FDPS: variants seen among roughly 807,000 people sequenced by gnomAD.
FDPS encodes farnesyl diphosphate synthase.
In FDPS, 29 loss-of-function variants were observed where a neutral mutation model predicts 49.5. The observed-to-expected ratio is 0.59, with a 90% CI of 0.44 to 0.80. The LOEUF (loss-of-function observed/expected upper bound fraction) is 0.80. FDPS is among the 30% of genes least tolerant of loss of function. The probability of loss-of-function intolerance (pLI) is 0.00; values close to 1 mark genes in which losing one functional copy is unlikely to be tolerated. For synonymous variants in FDPS, 172 were observed against 206.4 expected, an observed-to-expected ratio of 0.83 and a Z score of 1.43; for missense variants, 414 against 525.6, an observed-to-expected ratio of 0.79 and a Z score of 2.08.
At position 155,318,273 on chromosome 1, in the gene FDPS, G is replaced by C; in HGVS notation, c.666G>C (p.Leu222=). The C allele has an allele frequency of 6.2e-7, 1 of 1,612,612 alleles. No homozygotes were observed. The highest frequency in any genetic ancestry group is 1.1e-5 in the South Asian group (1 of 91,076). ...YCREQPYYLN[L]IELFLQSSYQ... is the part of the protein sequence containing the mutation. ...GGGAGCAGCCCTATTACCTGAACCT[G>C]ATCGAGCTCTTCCTGCAGGTGTATT... Residue 222 remains leucine (L), a synonymous_variant, in exon 6 of 11, where the codon CTG becomes CTC. Transcript: ENST00000368356. This position sits in a 1 kb window ranked among gnomAD's most constrained non-coding sequence, Gnocchi z 4.2.
intron 4 of FDPS, among the ~76,000 whole-genome samples, chr1:155,315,178 G>A (rs1343611395): frequency 6.6e-6 from 1 of 152,172 alleles, no homozygotes; most frequent in African/African-American, 2.4e-5. Flanking sequence ...TCTGGCAGGC[G>A]GTGTTGCATG....
chr1:155,309,691 T>A (rs2297480), intron 1 of FDPS, 98 bp from the exon 2 acceptor site: 1 of 1,103,762 alleles, frequency 9.1e-7, no homozygotes, highest in Admixed American at 2.9e-5. Flanking sequence ...GGGCTAAGGC[T>A]GGGGTGGGAG....
intron 3 of FDPS, 107 bp from the exon 4 acceptor site, chr1:155,312,148 G>A (rs1648864847): frequency 4.6e-6 from 6 of 1,293,332 alleles, no homozygotes; most frequent in Non-Finnish European, 6.6e-6. Context: ...TTGGGGTTGG[G>A]GAGGATAAAG....
Position 155,318,009 on chromosome 1 carries a change from C to T in FDPS, c.549C>T (p.Cys183=). The change falls in exon 5 of 11, where the codon TGC becomes TGT. Residue 183 remains cysteine, a synonymous_variant. Coordinates refer to ENST00000368356, the MANE Select transcript of FDPS (RefSeq NM_002004.4). This position sits in a 1 kb window ranked among gnomAD's most constrained non-coding sequence, Gnocchi z 4.2. The part of the protein sequence containing the change: ...DSSLTRRGQI[C]WYQKPGVGLD... ...CCCTTACCCGCCGGGGACAGATCTG[C>T]TGGTATCAGAAGGTAATGTGGGCAG... is the stretch of plus-strand genomic sequence containing the variant. 1.9e-6 allele frequency: 3 copies of T among 1,613,944 alleles called. No individual in the cohort carries two copies. Among genetic ancestry groups the T allele is most frequent in the Non-Finnish European group, 2.5e-6 (3 of 1,179,972 alleles).
chr1:155,318,672 A>G lies in FDPS; in HGVS notation c.692A>G (p.Tyr231Cys). Reference protein sequence around the residue: ...NLIELFLQSSYQTEIGQTLDL... With the variant: ...NLIELFLQSSCQTEIGQTLDL... ...CGTCTTTGTCTTGCTTAGAGTTCCTATCAGACTGAGATTGGGCAGACCCTG... is the reference window on the plus strand; with the variant it reads ...CGTCTTTGTCTTGCTTAGAGTTCCTGTCAGACTGAGATTGGGCAGACCCTG... The change falls in exon 7 of 11, where the codon TAT becomes TGT. Residue 231 changes from tyrosine to cysteine, a missense_variant. Coordinates refer to ENST00000368356, the MANE Select transcript of FDPS (RefSeq NM_002004.4). This position sits in a 1 kb window ranked among gnomAD's most constrained non-coding sequence, Gnocchi z 4.2. 1.9e-6 allele frequency: 3 copies of G among 1,612,122 alleles called. No individual in the cohort carries two copies. Among genetic ancestry groups the G allele is most frequent in the Non-Finnish European group, 2.5e-6 (3 of 1,178,286 alleles).
intron 1 of FDPS, 123 bp downstream of exon 1, chr1:155,309,088 AG>A (rs1648506449): frequency 6.6e-6 from 1 of 152,402 alleles, no homozygotes; most frequent in South Asian, 2.1e-4. Flanking sequence ...TCGGTGGGCT[AG>A]ACTGGCTGGC....
intron 1 of FDPS, 52 bp from the exon 2 acceptor site, chr1:155,309,737 G>T: frequency 6.9e-7 from 1 of 1,439,060 alleles, no homozygotes. Flanking sequence ...TCTGCCTTTG[G>T]TGCTTGCCCC....
At chr1:155,316,567 C>T (rs1649440814) in intron 4 of FDPS, among the ~76,000 whole-genome samples, 1 of 152,156 alleles carries the variant, frequency 6.6e-6, no homozygotes, top group African/African-American at 2.4e-5. Flanking sequence ...CACTTGAGGT[C>T]AGGAGTTCAA....
At chr1:155,313,906 C>T (rs1190622998) in intron 4 of FDPS, among the ~76,000 whole-genome samples, 1 of 151,858 alleles carries the variant, frequency 6.6e-6, no homozygotes, top group Non-Finnish European at 1.5e-5. Flanking sequence ...GCAACCTCTG[C>T]CTCCCAGGTT....
chr1:155,312,323 G>T lies in FDPS; in HGVS notation c.408G>T (p.Glu136Asp). 6.2e-7 allele frequency: 1 copy of T among 1,614,136 alleles called. No individual in the cohort carries two copies. Among genetic ancestry groups the T allele is most frequent in the South Asian group, 1.1e-5 (1 of 91,076 alleles). The change falls in exon 4 of 11, where the codon GAG (glutamate) becomes GAT (aspartate). Residue 136 changes from glutamate (E) to aspartate (D), a missense_variant. By Grantham distance (45) the Glu-to-Asp change is conservative (BLOSUM62 2). Coordinates refer to ENST00000368356, the MANE Select transcript of FDPS (RefSeq NM_002004.4). ...TGACGGTGGTAGTAGCATTCCGGGA[G>T]CTGGTGGAGCCAAGGAAACAGGATG... ...RGLTVVVAFR[E>D]LVEPRKQDAD...
At position 155,318,948 on chromosome 1, in the gene FDPS, CCT is replaced by C; in HGVS notation, c.846+25_846+26del. On this transcript the variant is annotated intron_variant, in intron 8 of 10. Transcript: ENST00000368356. This position sits in a 1 kb window ranked among gnomAD's most constrained non-coding sequence, Gnocchi z 4.2. ...TACATGGTGAGTGAGCCTCCTCACCCCTCTCTGCTCTGCTGATGGGGGCTTTT... is the reference window on the plus strand; with the variant it reads ...TACATGGTGAGTGAGCCTCCTCACCCCTCTGCTCTGCTGATGGGGGCTTTT... The C allele has an allele frequency of 6.4e-7, 1 of 1,565,362 alleles. No individual in the cohort carries two copies. Among genetic ancestry groups the C allele is most frequent in the Non-Finnish European group, 8.8e-7 (1 of 1,136,444 alleles).
chr1:155,318,354 C>T lies in FDPS; in HGVS notation c.684+63C>T. ...CATGGTAGCCTTGGCCTCTATAGGA[C>T]ATGCTCATCTAGCTGGTTTCAGGGT... On this transcript the variant is annotated intron_variant, in intron 6 of 10. Coordinates refer to ENST00000368356, the MANE Select transcript of FDPS (RefSeq NM_002004.4). This position sits in a 1 kb window ranked among gnomAD's most constrained non-coding sequence, Gnocchi z 4.2. The T allele has an allele frequency of 6.3e-7, 1 of 1,588,474 alleles. No individual in the cohort carries two copies. Among genetic ancestry groups the T allele is most frequent in the Non-Finnish European group, 8.6e-7 (1 of 1,168,730 alleles).
intron 4 of FDPS, among the ~76,000 whole-genome samples, chr1:155,313,647 G>C (rs1649021770): frequency 6.6e-6 from 1 of 152,214 alleles, no homozygotes; most frequent in South Asian, 2.1e-4. Flanking sequence ...TAGGCCCATG[G>C]CATCCAGGGA....
chr1:155,314,350 C>CT (rs35440601), intron 4 of FDPS, among the ~76,000 whole-genome samples: 72 of 142,922 alleles, frequency 5.0e-4, no homozygotes, highest in East Asian at 8.2e-4. Context: ...CTCTACTTGG[C>CT]TTTTTTTTTT....
chr1:155,309,010 C>G (rs1309275351), intron 1 of FDPS, 45 bp downstream of exon 1: 1 of 152,388 alleles, frequency 6.6e-6, no homozygotes, highest in Non-Finnish European at 1.5e-5. Flanking sequence ...GGGGCCGAGA[C>G]CGGGCCTTAC....
chr1:155,318,683 A>G lies in FDPS; in HGVS notation c.703A>G (p.Ile235Val). Residue 235 changes from isoleucine to valine, a missense_variant, in exon 7 of 11, where the codon ATT becomes GTT. Coordinates refer to ENST00000368356, the MANE Select transcript of FDPS (RefSeq NM_002004.4). The surrounding 1 kb of genome is among the most constrained non-coding windows in gnomAD (Gnocchi z 4.2). Reference protein sequence around the residue: ...LFLQSSYQTEIGQTLDLLTAP... With the variant: ...LFLQSSYQTEVGQTLDLLTAP... ...TGCTTAGAGTTCCTATCAGACTGAG[A>G]TTGGGCAGACCCTGGACCTCCTCAC... 1 of 1,613,282 alleles carries G rather than the reference A, an allele frequency of 6.2e-7. No individual in the cohort carries two copies. Among genetic ancestry groups the G allele is most frequent in the East Asian group, 2.2e-5 (1 of 44,868 alleles).
chr1:155,309,999 G>C, intron 2 of FDPS, 34 bp downstream of exon 2: 1 of 1,611,530 alleles, frequency 6.2e-7, no homozygotes, highest in Non-Finnish European at 8.5e-7. Flanking sequence ...CCTTGGGGAG[G>C]GGAGCAGCTG....
intron 4 of FDPS, among the ~76,000 whole-genome samples, chr1:155,315,451 G>A (rs762935606): frequency 3.6e-4 from 55 of 152,120 alleles, no homozygotes; most frequent in Admixed American, 5.9e-4. Flanking sequence ...AGGCTGAGGC[G>A]GGCGGATCAT....
intron 4 of FDPS, chr1:155,317,697 T>G: frequency 2.9e-6 from 1 of 339,482 alleles, no homozygotes; most frequent in Non-Finnish European, 5.4e-6. Context: ...AAAAAAAAAA[T>G]AGCCAGGCAT....
Sources: gnomAD v4.1 joint callset for allele counts (sites outside exome capture counted in the v4.1 genomes callset) on GRCh38, gnomAD v4.1.1 for gene constraint, Gnocchi (gnomAD v3.1) non-coding constraint, MANE v1.5 for transcripts, NCBI Gene and HGNC (gene_info 2026-07-23, HGNC 2026-07-21) for gene names.